SLAIN1: variants seen among roughly 807,000 people sequenced by gnomAD.
SLAIN1 encodes the protein SLAIN motif-containing protein 1.
Under a neutral mutation model 55.4 loss-of-function variants are expected in SLAIN1, and 17 were observed. That is an observed-to-expected ratio of 0.31 (90% CI 0.21 to 0.46). SLAIN1 has a LOEUF of 0.46. Ranked by LOEUF, SLAIN1 falls within the 20% of genes least tolerant of loss-of-function variation. The pLI is 1.00. For missense variants in SLAIN1, 682 were observed against 785.1 expected, an observed-to-expected ratio of 0.87 and a Z score of 1.57; for synonymous variants, 348 against 337.4, an observed-to-expected ratio of 1.03 and a Z score of -0.35.
intron 2 of SLAIN1, among the ~76,000 whole-genome samples, chr13:77,721,601 T>G (rs2154409745): frequency 6.6e-6 from 1 of 152,164 alleles, no homozygotes; most frequent in South Asian, 2.1e-4. Context: ...AACTTTTTTT[T>G]GAAAGGAGAT....
At chr13:77,699,863 A>G (rs888412704) in intron 1 of SLAIN1, among the ~76,000 whole-genome samples, 1 of 91,038 alleles carries the variant, frequency 1.1e-5, no homozygotes, top group African/African-American at 5.6e-5. Flanking sequence ...CTGTAAAGTA[A>G]TCTCAGTTTC....
intron 1 of SLAIN1, among the ~76,000 whole-genome samples, chr13:77,715,129 G>C (rs1018783216): frequency 2.0e-5 from 3 of 152,210 alleles, no homozygotes; most frequent in African/African-American, 7.2e-5. Flanking sequence ...GTCTCTAAAA[G>C]TGCTGGGATT....
intron 2 of SLAIN1, among the ~76,000 whole-genome samples, chr13:77,723,155 A>G (rs759862808): frequency 1.3e-5 from 2 of 152,106 alleles, no homozygotes; most frequent in African/African-American, 4.8e-5. Context: ...TTTATCCCCA[A>G]ACTCTCTTGA....
intron 2 of SLAIN1, among the ~76,000 whole-genome samples, chr13:77,721,101 T>G (rs1390930141): frequency 6.6e-6 from 1 of 152,134 alleles, no homozygotes; most frequent in Non-Finnish European, 1.5e-5. Context: ...AATCCTCACA[T>G]GTAGAGGGAG....
intron 2 of SLAIN1, chr13:77,743,344 C>A (rs745806458): frequency 2.0e-5 from 6 of 293,664 alleles, no homozygotes; most frequent in Non-Finnish European, 3.7e-5. Context: ...CACCATTGAT[C>A]TACTGCTCTC....
chr13:77,761,595 A>G (rs555960902), intron 6 of SLAIN1, among the ~76,000 whole-genome samples: 1 of 152,354 alleles, frequency 6.6e-6, no homozygotes, highest in South Asian at 2.1e-4. Context: ...TAATCAAAAT[A>G]TGGAAAAATG....
intron 4 of SLAIN1, among the ~76,000 whole-genome samples, chr13:77,751,300 C>A (rs1874193749): frequency 6.6e-6 from 1 of 151,896 alleles, no homozygotes; most frequent in Admixed American, 6.6e-5. Flanking sequence ...AAATGTTAAT[C>A]TTTAATATTT....
chr13:77,701,299 C>G (rs1042111148), intron 1 of SLAIN1, among the ~76,000 whole-genome samples: 1 of 152,118 alleles, frequency 6.6e-6, no homozygotes, highest in African/African-American at 2.4e-5. Context: ...GATATTTTAG[C>G]TATTCTTTTA....
intron 2 of SLAIN1, among the ~76,000 whole-genome samples, chr13:77,739,958 A>G (rs889526454): frequency 6.6e-6 from 1 of 152,120 alleles, no homozygotes; most frequent in African/African-American, 2.4e-5. Context: ...TATTTTTGAA[A>G]AAAAATGAGG....
intron 2 of SLAIN1, chr13:77,743,302 T>A: frequency 1.7e-6 from 1 of 596,088 alleles, no homozygotes; most frequent in Non-Finnish European, 2.5e-6. Context: ...TTACTTTGGG[T>A]ACAAAAGGCC....
intron 5 of SLAIN1, among the ~76,000 whole-genome samples, chr13:77,756,948 A>G (rs570547008): frequency 6.6e-6 from 1 of 152,246 alleles, no homozygotes; most frequent in Admixed American, 6.5e-5. Context: ...TCTTGATATG[A>G]TTAGTGGTTA....
In SLAIN1 at chr13:77,699,171, T is replaced by C. The variant is rs1252684623; in HGVS notation, c.626+632T>C. The C allele has an allele frequency of 6.9e-6, 7 of 1,011,488 alleles. No individual in the cohort carries two copies. The East Asian group carries it at 1.9e-4, about 27-fold the overall frequency. The allele number at this position is 1,011,488 out of a possible 1,614,324, so 62.7% of individuals were successfully genotyped here. On this transcript the variant is annotated intron_variant, in intron 1 of 6. Transcript: ENST00000418532. The stretch of plus-strand genomic sequence containing the variant: ...TTTAAAATGGGGTGACCTCACTGGC[T>C]TTCCCATAAATAGTGCCAATAAAGA...
At chr13:77,729,635 ATGTGT>A (rs1053345969) in intron 2 of SLAIN1, among the ~76,000 whole-genome samples, 2 of 152,058 alleles carry the variant, frequency 1.3e-5, no homozygotes, top group Non-Finnish European at 2.9e-5. Flanking sequence ...AATACATGAA[ATGTGT>A]TGAGTACTTA....
At chr13:77,763,114 C>A (rs1354809568) in intron 6 of SLAIN1, 31 bp from the exon 7 acceptor site, 2 of 1,562,534 alleles carry the variant, frequency 1.3e-6, no homozygotes, top group Non-Finnish European at 1.8e-6. Context: ...TATTAACAAT[C>A]TCTCTCTCTG....
At chr13:77,723,296 G>A (rs2091278814) in intron 2 of SLAIN1, among the ~76,000 whole-genome samples, 1 of 152,082 alleles carries the variant, frequency 6.6e-6, no homozygotes, top group Non-Finnish European at 1.5e-5. Flanking sequence ...ATCATGGTGG[G>A]ACTTTCTTTT....
intron 1 of SLAIN1, among the ~76,000 whole-genome samples, chr13:77,701,503 C>A (rs2091030395): frequency 6.6e-6 from 1 of 151,740 alleles, no homozygotes; most frequent in Non-Finnish European, 1.5e-5. Flanking sequence ...AATTATTTAA[C>A]CTATAAGTAG....
At chr13:77,734,845 C>T (rs1044789788) in intron 2 of SLAIN1, among the ~76,000 whole-genome samples, 1 of 151,886 alleles carries the variant, frequency 6.6e-6, no homozygotes, top group Non-Finnish European at 1.5e-5. Context: ...TATGGTGAAA[C>T]CCCCTCTCTA....
chr13:77,712,986 C>CTATTTAATAAA (rs767220787), intron 1 of SLAIN1, among the ~76,000 whole-genome samples: 133 of 152,270 alleles, frequency 8.7e-4, no homozygotes, highest in Non-Finnish European at 1.6e-3. Context: ...ATAAATGGTG[C>CTATTTAATAAA]TGGGAAAACT....
chr13:77,761,082 CGAA>C lies in SLAIN1; in HGVS notation c.1671_1673del (p.Ser558del). The C allele has an allele frequency of 3.1e-6, 5 of 1,614,070 alleles. No individual in the cohort carries two copies. Among genetic ancestry groups the C allele is most frequent in the Non-Finnish European group, 3.4e-6 (4 of 1,179,992 alleles). ...GGCAATAAATGGGAGTAACCTGCCT[CGAA>C]GCAAAATTGCACAACCTGTTAGAAG... is the stretch of plus-strand genomic sequence containing the variant. On this transcript the variant is annotated inframe_deletion, in exon 6 of 7. Transcript: ENST00000418532.
Sources: gnomAD v4.1 joint callset for allele counts (sites outside exome capture counted in the v4.1 genomes callset) on GRCh38, gnomAD v4.1.1 for gene constraint, MANE v1.5 for transcripts, NCBI Gene and HGNC (gene_info 2026-07-23, HGNC 2026-07-21) for gene names.